Variants in TNRC6B observed in about 807,000 individuals in gnomAD.
TNRC6B encodes trinucleotide repeat containing adaptor 6B, also known as trinucleotide repeat-containing gene 6B protein.
Under a neutral mutation model 203.6 loss-of-function variants are expected in TNRC6B, and 52 were observed. The observed-to-expected ratio is 0.26, with a 90% CI of 0.20 to 0.32. The LOEUF is 0.32. Among genes scored for constraint, TNRC6B ranks in the 10% least tolerant of loss-of-function variants. TNRC6B has a pLI of 1.00. For synonymous variants in TNRC6B, 838 were observed against 845.7 expected, an observed-to-expected ratio of 0.99 and a Z score of 0.16; for missense variants, 1,923 against 2,286.2, an observed-to-expected ratio of 0.84 and a Z score of 3.24.
At chr22:40,292,073 A>G (rs2070875636) in intron 12 of TNRC6B, among the ~76,000 whole-genome samples, 1 of 152,230 alleles carries the variant, frequency 6.6e-6, no homozygotes, top group Non-Finnish European at 1.5e-5. Context: ...AGGCGTCTGT[A>G]GTCCCAGCTG....
intron 3 of TNRC6B, among the ~76,000 whole-genome samples, chr22:40,257,623 G>A (rs2070300436): frequency 6.6e-6 from 1 of 152,176 alleles, no homozygotes; most frequent in Non-Finnish European, 1.5e-5. Flanking sequence ...GACTGAGGCA[G>A]GAGAATCGCT....
intron 1 of TNRC6B, among the ~76,000 whole-genome samples, chr22:40,087,436 G>A (rs149556082): frequency 2.6e-5 from 4 of 152,204 alleles, no homozygotes; most frequent in Admixed American, 6.5e-5. Flanking sequence ...CATGGTACTA[G>A]GAAATGAGAA....
chr22:40,132,522 G>T (rs2068555910), intron 3 of TNRC6B, among the ~76,000 whole-genome samples: 1 of 151,070 alleles, frequency 6.6e-6, no homozygotes, highest in African/African-American at 2.4e-5. Context: ...CGAGGGGCCT[G>T]TAGTCCCAGC....
At chr22:40,227,888 A>G (rs1258901945) in intron 1 of TNRC6B, among the ~76,000 whole-genome samples, 1 of 152,198 alleles carries the variant, frequency 6.6e-6, no homozygotes, top group Non-Finnish European at 1.5e-5. Flanking sequence ...CTCCTGAATA[A>G]TATGTGCCTC....
chr22:40,317,428 A>G (rs1454989739), intron 21 of TNRC6B, among the ~76,000 whole-genome samples: 5 of 152,132 alleles, frequency 3.3e-5, no homozygotes, highest in African/African-American at 1.2e-4. Context: ...AAATACACAA[A>G]TTAGCTGGGC....
intron 12 of TNRC6B, among the ~76,000 whole-genome samples, chr22:40,295,489 A>G (rs995311553): frequency 1.3e-5 from 2 of 151,620 alleles, no homozygotes; most frequent in African/African-American, 2.4e-5. Flanking sequence ...AAAAAAAAAA[A>G]AAGAAAGAAA....
chr22:40,057,968 A>G (rs1467598172), intron 1 of TNRC6B, among the ~76,000 whole-genome samples: 1 of 152,218 alleles, frequency 6.6e-6, no homozygotes, highest in African/African-American at 2.4e-5. Flanking sequence ...ATATTTCACC[A>G]TCTACTCTTT....
intron 12 of TNRC6B, among the ~76,000 whole-genome samples, chr22:40,298,715 T>C (rs5750931): frequency 0.64 from 96,770 of 151,026 alleles, 34,647 homozygotes; most frequent in East Asian, 0.99. Context: ...GCCTGTAATC[T>C]CAGCACTTTG....
chr22:40,170,018 G>A (rs938776277), intron 4 of TNRC6B, among the ~76,000 whole-genome samples: 4 of 151,764 alleles, frequency 2.6e-5, no homozygotes, highest in Non-Finnish European at 4.4e-5. Flanking sequence ...GGTGACTTAA[G>A]CCTATAATCG....
intron 1 of TNRC6B, among the ~76,000 whole-genome samples, chr22:40,062,383 A>G (rs1023749866): frequency 3.1e-4 from 47 of 151,584 alleles, no homozygotes; most frequent in African/African-American, 1.1e-3. Flanking sequence ...TGATTTTTGT[A>G]TTTTTACTTG....
At chr22:40,158,977 G>A (rs1188665940) in intron 4 of TNRC6B, among the ~76,000 whole-genome samples, 2 of 151,628 alleles carry the variant, frequency 1.3e-5, no homozygotes, top group East Asian at 1.9e-4. Context: ...ATTTTTTTGC[G>A]TGTGTGACAG....
chr22:40,076,831 T>C (rs767684259), intron 1 of TNRC6B, among the ~76,000 whole-genome samples: 12 of 152,130 alleles, frequency 7.9e-5, no homozygotes, highest in Non-Finnish European at 1.6e-4. Flanking sequence ...ATGTGTATCT[T>C]TAAAGCCTTA....
intron 19 of TNRC6B, among the ~76,000 whole-genome samples, chr22:40,313,430 AG>A (rs2071213743): frequency 1.3e-5 from 2 of 152,156 alleles, no homozygotes; most frequent in South Asian, 2.1e-4. Context: ...AGATGGCCAA[AG>A]GAAAAAAAAA....
At chr22:40,140,714 C>T (rs980238638) in intron 3 of TNRC6B, among the ~76,000 whole-genome samples, 12 of 152,096 alleles carry the variant, frequency 7.9e-5, no homozygotes, top group African/African-American at 2.2e-4. Context: ...AGTCTTTGCT[C>T]ACTGCAACCT....
At chr22:40,249,661 G>C (rs1432879368) in intron 2 of TNRC6B, among the ~76,000 whole-genome samples, 2 of 152,200 alleles carry the variant, frequency 1.3e-5, no homozygotes, top group Admixed American at 1.3e-4. Flanking sequence ...CTGACTTCCT[G>C]TATAACTGAT....
At chr22:40,069,269 A>C (rs888031235) in intron 1 of TNRC6B, among the ~76,000 whole-genome samples, 15 of 151,532 alleles carry the variant, frequency 9.9e-5, no homozygotes, top group African/African-American at 3.6e-4. Flanking sequence ...GTTGACTGAT[A>C]TAAAATTTTT....
At chr22:40,136,557 A>G (rs2068601747) in intron 3 of TNRC6B, among the ~76,000 whole-genome samples, 1 of 151,196 alleles carries the variant, frequency 6.6e-6, no homozygotes, top group African/African-American at 2.4e-5. Flanking sequence ...ATGCCACCAC[A>G]CCGAGCTAAA....
chr22:40,062,817 A>T (rs1329826536), intron 1 of TNRC6B, among the ~76,000 whole-genome samples: 1 of 151,992 alleles, frequency 6.6e-6, no homozygotes, highest in African/African-American at 2.4e-5. Flanking sequence ...TACTTGTCTT[A>T]TTGTTCAATT....
intron 1 of TNRC6B, among the ~76,000 whole-genome samples, chr22:40,058,147 C>G (rs943413892): frequency 2.0e-5 from 3 of 152,260 alleles, no homozygotes; most frequent in Non-Finnish European, 2.9e-5. Context: ...GTGGACTGCT[C>G]CAGAAAGAGG....
Sources: gnomAD v4.1 joint callset for allele counts (sites outside exome capture counted in the v4.1 genomes callset) on GRCh38, gnomAD v4.1.1 for gene constraint, MANE v1.5 for transcripts, NCBI Gene and HGNC (gene_info 2026-07-23, HGNC 2026-07-21) for gene names.